Variants in ROBO2 observed in about 807,000 individuals in gnomAD.
The protein encoded by ROBO2 is roundabout homolog 2.
A neutral mutation model predicts 160.8 loss-of-function variants in ROBO2; 53 were observed. That is an observed-to-expected ratio of 0.33 (90% CI 0.26 to 0.41). The LOEUF (loss-of-function observed/expected upper bound fraction) is 0.41. Among genes scored for constraint, ROBO2 ranks in the 10% least tolerant of loss-of-function variants. ROBO2 has a pLI of 1.00. For synonymous variants in ROBO2, 664 were observed against 611.7 expected (o/e 1.09, Z -1.26); for missense variants, 1,577 against 1,722.4 (o/e 0.92, Z 1.49).
At chr3:77,359,680 C>T (rs2069643517) in intron 2 of ROBO2, among the ~76,000 whole-genome samples, 1 of 152,036 alleles carries the variant, frequency 6.6e-6, no homozygotes, top group South Asian at 2.1e-4. Context: ...TTATTCAGCC[C>T]TTTGGTTTGT....
At chr3:76,150,583 G>T (rs566642633) in intron 2 of ROBO2, among the ~76,000 whole-genome samples, 2 of 152,242 alleles carry the variant, frequency 1.3e-5, no homozygotes, top group South Asian at 4.1e-4. Context: ...GGCCTTTATA[G>T]TTGCTGACTT....
rs553750938 is a variant in ROBO2 at position 75,920,177 on chromosome 3, T to C, written c.-14+13217T>C. The stretch of plus-strand genomic sequence containing the variant: ...TGATATGGGCATTTAATGCTATAAA[T>C]TTCCCTCTAAACACTGTTTTACCTG... On this transcript the variant is annotated intron_variant, in intron 1 of 26. Transcript: ENST00000487694. Among the ~76,000 whole-genome samples the C allele has an allele frequency of 1.1e-4, 17 of 152,346 alleles. No individual in the cohort carries two copies. The South Asian group carries it at 3.5e-3, about 32-fold the overall frequency.
chr3:77,023,376 A>G (rs1311292859), intron 2 of ROBO2, among the ~76,000 whole-genome samples: 1 of 152,120 alleles, frequency 6.6e-6, no homozygotes, highest in Admixed American at 6.6e-5. Flanking sequence ...CAGCATGAAA[A>G]CGAACTAATA....
intron 9 of ROBO2, among the ~76,000 whole-genome samples, chr3:77,560,851 A>G (rs2093299565): frequency 6.6e-6 from 1 of 152,172 alleles, no homozygotes; most frequent in Admixed American, 6.6e-5. Flanking sequence ...AACAGCTATA[A>G]TAAAATGCAA....
chr3:77,268,020 A>G (rs574385360), intron 2 of ROBO2, among the ~76,000 whole-genome samples: 12 of 152,286 alleles, frequency 7.9e-5, no homozygotes, highest in Non-Finnish European at 1.2e-4. Flanking sequence ...AATAGAAAGC[A>G]AATTGTTGTA....
At chr3:76,498,720 T>G (rs888841910) in intron 2 of ROBO2, among the ~76,000 whole-genome samples, 3 of 148,950 alleles carry the variant, frequency 2.0e-5, no homozygotes, top group African/African-American at 7.4e-5. Context: ...TCTTGCTCTG[T>G]CGCCCAGGCT....
intron 2 of ROBO2, among the ~76,000 whole-genome samples, chr3:76,251,177 T>C (rs1033365011): frequency 6.6e-6 from 1 of 151,986 alleles, no homozygotes; most frequent in African/African-American, 2.4e-5. Flanking sequence ...TAACTGAAGA[T>C]AGATGACCAA....
intron 2 of ROBO2, among the ~76,000 whole-genome samples, chr3:76,309,744 C>G (rs972251315): frequency 6.6e-6 from 1 of 151,922 alleles, no homozygotes; most frequent in East Asian, 1.9e-4. Flanking sequence ...AACATGTAGA[C>G]AGATTTAAAA....
At chr3:77,340,445 G>A (rs1254007214) in intron 2 of ROBO2, among the ~76,000 whole-genome samples, 1 of 151,958 alleles carries the variant, frequency 6.6e-6, no homozygotes. Flanking sequence ...AGTGATTCTT[G>A]TTCTTTGGTG....
At position 77,210,516 on chromosome 3, in the gene ROBO2, C is replaced by T. The variant is rs535598394; in HGVS notation, c.388+112176C>T. Among the ~76,000 whole-genome samples the T allele has an allele frequency of 2.0e-5, 3 of 152,162 alleles. No individual in the cohort carries two copies. In the East Asian group the frequency reaches 5.8e-4, roughly 29 times the overall value. On this transcript the variant is annotated intron_variant, in intron 2 of 25. Transcript: ENST00000461745. Reference sequence around the variant, plus strand: ...ATTTATTGACATAAAAAGTATTCACCATATATTGCTCGGTAAAGAAACATC... The same window carrying T: ...ATTTATTGACATAAAAAGTATTCACTATATATTGCTCGGTAAAGAAACATC...
At chr3:76,422,073 C>T (rs1026616195) in intron 2 of ROBO2, among the ~76,000 whole-genome samples, 4 of 152,142 alleles carry the variant, frequency 2.6e-5, no homozygotes, top group Non-Finnish European at 5.9e-5. Flanking sequence ...CCACCTGACC[C>T]TGTAGAGCAA....
chr3:75,922,814 T>C lies in ROBO2; in HGVS notation c.-13-14667T>C, dbSNP rs188966694. On this transcript the variant is annotated intron_variant, in intron 1 of 26. Transcript: ENST00000487694. Reference sequence around the variant, plus strand: ...AAGAATAGTAATTAACTTTAATAAATAGGTATTCGTATTGAGGGAAAACTG... The same window carrying C: ...AAGAATAGTAATTAACTTTAATAAACAGGTATTCGTATTGAGGGAAAACTG... 2.5e-4 allele frequency among the ~76,000 whole-genome samples: 38 copies of C among 152,354 alleles called. 1 individual carries two copies. In the East Asian group the frequency reaches 4.6e-3, roughly 19 times the overall value.
At chr3:76,041,511 A>G (rs1163151423) in intron 2 of ROBO2, among the ~76,000 whole-genome samples, 2 of 152,074 alleles carry the variant, frequency 1.3e-5, no homozygotes, top group Non-Finnish European at 2.9e-5. Context: ...TGTCAAATGC[A>G]TTATTTTAGC....
intron 2 of ROBO2, among the ~76,000 whole-genome samples, chr3:77,241,447 A>C (rs901728440): frequency 6.6e-6 from 1 of 152,254 alleles, no homozygotes; most frequent in Non-Finnish European, 1.5e-5. Flanking sequence ...GTAAGTAGCC[A>C]AATTTTATTC....
At chr3:76,861,000 A>G (rs993893412) in intron 2 of ROBO2, among the ~76,000 whole-genome samples, 3 of 152,130 alleles carry the variant, frequency 2.0e-5, no homozygotes, top group Non-Finnish European at 4.4e-5. Flanking sequence ...TTCCTCTAAG[A>G]TGACTCTCAG....
chr3:76,916,108 C>T (rs192591357), intron 2 of ROBO2, among the ~76,000 whole-genome samples: 104 of 152,150 alleles, frequency 6.8e-4, no homozygotes, highest in Middle Eastern at 3.4e-3. Flanking sequence ...GCTGGGGGGA[C>T]GCAGTCCAAA....
intron 2 of ROBO2, among the ~76,000 whole-genome samples, chr3:76,521,626 T>C (rs1407100656): frequency 6.6e-6 from 1 of 152,210 alleles, no homozygotes; most frequent in African/African-American, 2.4e-5. Flanking sequence ...TATATTGTTC[T>C]GTTAAATATG....
At chr3:76,251,293 C>T (rs1304736387) in intron 2 of ROBO2, among the ~76,000 whole-genome samples, 2 of 151,624 alleles carry the variant, frequency 1.3e-5, no homozygotes, top group African/African-American at 4.8e-5. Context: ...CAGCTAGTTG[C>T]GGGAGGGTAT....
chr3:76,099,556 T>C (rs2069594362), intron 2 of ROBO2, among the ~76,000 whole-genome samples: 1 of 152,178 alleles, frequency 6.6e-6, no homozygotes, highest in Admixed American at 6.5e-5. Flanking sequence ...ATATTTTATG[T>C]TGAAATTGAA....
Sources: gnomAD v4.1 joint callset for allele counts (sites outside exome capture counted in the v4.1 genomes callset) on GRCh38, gnomAD v4.1.1 for gene constraint, MANE v1.5 for transcripts, NCBI Gene and HGNC (gene_info 2026-07-23, HGNC 2026-07-21) for gene names.